Variants in EDEM3 observed in about 807,000 individuals in gnomAD.
EDEM3 encodes ER degradation-enhancing alpha-mannosidase-like protein 3.
In EDEM3, 60 loss-of-function variants were observed where a neutral mutation model predicts 110.2. The ratio of observed to expected loss-of-function variants is 0.54; its 90% confidence interval spans 0.44 to 0.67. The LOEUF (loss-of-function observed/expected upper bound fraction) is 0.67. Among genes scored for constraint, EDEM3 ranks in the 30% least tolerant of loss-of-function variants. The pLI is 0.00. For synonymous variants in EDEM3, 352 were observed against 382.9 expected (o/e 0.92, Z 0.94); for missense variants, 996 against 1,121.0 (o/e 0.89, Z 1.59).
In EDEM3 at chr1:184,754,556, C is replaced by T; in HGVS notation, c.91G>A (p.Val31Met). 7.4e-6 allele frequency: 12 copies of T among 1,612,472 alleles called. No individual in the cohort carries two copies. Among genetic ancestry groups the T allele is most frequent in the Non-Finnish European group, 9.3e-6 (11 of 1,179,744 alleles). Residue 31 changes from valine (V) to methionine (M), a missense_variant, in exon 1 of 20, where the codon GTG becomes ATG. Around this residue, in one of 5 missense-constraint regions of EDEM3, gnomAD observed 200 missense variants for 183.8 expected, o/e 1.09. Coordinates refer to ENST00000318130, the MANE Select transcript of EDEM3 (RefSeq NM_025191.4). ...GCCGTCCACACGGAGGTGGCCGACA[C>T]CAGGCAGAACGCGGCCGTCGCCGCC... is the stretch of plus-strand genomic sequence containing the variant. ...LVAATAAFCLVSATSVWTAGA... is the reference protein window; with the variant it reads ...LVAATAAFCLMSATSVWTAGA...
intron 19 of EDEM3, chr1:184,701,444 C>T (rs1649614025): frequency 8.2e-6 from 9 of 1,091,044 alleles, no homozygotes; most frequent in Non-Finnish European, 1.1e-5. Flanking sequence ...GTACACACAC[C>T]CAAATACATA....
chr1:184,745,811 T>G (rs1652401257), intron 2 of EDEM3, among the ~76,000 whole-genome samples: 1 of 152,188 alleles, frequency 6.6e-6, no homozygotes, highest in Admixed American at 6.5e-5. Flanking sequence ...TTTAGGGCTC[T>G]TACCAGAATA....
In EDEM3 at chr1:184,702,946, C is replaced by A. The variant is rs1252435624; in HGVS notation, c.2254G>T (p.Gly752Cys). ...ATGTCATCTGTATCCTTTCCATCAC[C>A]TGCCATCTGGAACAGAGGGGCAGTA... ...SDTAPLFQMA[G>C]DGKDTDDIKI... The change falls in exon 19 of 20, where the codon GGT becomes TGT. Residue 752 changes from glycine to cysteine, a missense_variant. By Grantham distance (159) the Gly-to-Cys change is radical (BLOSUM62 -3). Coordinates refer to ENST00000318130, the MANE Select transcript of EDEM3 (RefSeq NM_025191.4). The A allele has an allele frequency of 6.2e-7, 1 of 1,612,998 alleles. No homozygotes were observed. The highest frequency in any genetic ancestry group is 1.3e-5 in the African/African-American group (1 of 74,834).
Position 184,726,383 on chromosome 1 carries a change from A to T in EDEM3, c.619T>A (p.Leu207Ile). ...TCTGGTTTTCTGATGCCAAACTTTA[A>T]ATTAATCTGAATACAATTAGAAAAT... ...TSGLPYPRIN[L>I]KFGIRKPEAR... The change falls in exon 7 of 20, where the codon TTA becomes ATA. Residue 207 changes from leucine (L) to isoleucine (I), a missense_variant. Physicochemically the swap from Leu to Ile is conservative, Grantham distance 5. Coordinates refer to ENST00000318130, the MANE Select transcript of EDEM3 (RefSeq NM_025191.4). 1 of 1,612,856 alleles carries T rather than the reference A, an allele frequency of 6.2e-7. No homozygotes were observed. Among genetic ancestry groups the T allele is most frequent in the Non-Finnish European group, 8.5e-7 (1 of 1,179,302 alleles).
At chr1:184,737,816 G>T in intron 2 of EDEM3, 105 bp from the exon 3 acceptor site, 1 of 956,078 alleles carries the variant, frequency 1.0e-6, no homozygotes. Context: ...ATAGTCAAAA[G>T]TTGTACTAAA....
chr1:184,749,556 A>G lies in EDEM3; in HGVS notation c.195T>C (p.Gly65=). 4 of 1,575,022 alleles carry G rather than the reference A, an allele frequency of 2.5e-6. No homozygotes were observed. Among genetic ancestry groups the G allele is most frequent in the Middle Eastern group, 1.8e-4 (1 of 5,586 alleles). The change falls in exon 2 of 20, where the codon GGT becomes GGC. Residue 65 remains glycine (G), a synonymous_variant. Transcript: ENST00000318130. The stretch of plus-strand genomic sequence containing the variant: ...TAAGCTTCCTACTTACCATATAGTT[A>G]CCATAAGCATGATCAAACATTTCCA... ...QVLEMFDHAY[G]NYMEHAYPAD... is the part of the protein sequence containing the mutation.
chr1:184,714,228 T>C (rs544011520), intron 13 of EDEM3, among the ~76,000 whole-genome samples: 60 of 152,154 alleles, frequency 3.9e-4, no homozygotes, highest in Non-Finnish European at 7.4e-4. Flanking sequence ...ACAATATGAA[T>C]TGGGCAAAGC....
chr1:184,729,108 G>C (rs552135455), intron 6 of EDEM3, among the ~76,000 whole-genome samples: 84 of 152,190 alleles, frequency 5.5e-4, no homozygotes, highest in African/African-American at 2.0e-3. Flanking sequence ...ACTGGTAGCA[G>C]TATATATTAC....
intron 19 of EDEM3, among the ~76,000 whole-genome samples, chr1:184,697,843 G>A (rs914714455): frequency 6.6e-6 from 1 of 151,656 alleles, no homozygotes; most frequent in Non-Finnish European, 1.5e-5. Flanking sequence ...AAAATGTTAT[G>A]AAAGTTACAT....
At chr1:184,721,452 T>C (rs1023551041) in intron 8 of EDEM3, 66 bp from the exon 9 acceptor site, 9 of 1,161,802 alleles carry the variant, frequency 7.7e-6, no homozygotes, top group South Asian at 1.5e-5. Context: ...TTTAAAAAAA[T>C]AGCACTCCTT....
At chr1:184,736,403 A>C (rs1266383424) in intron 4 of EDEM3, among the ~76,000 whole-genome samples, 2 of 152,142 alleles carry the variant, frequency 1.3e-5, no homozygotes, top group Non-Finnish European at 2.9e-5. Flanking sequence ...ATTATGCCTT[A>C]AGGAAAATTC....
At position 184,717,565 on chromosome 1, in the gene EDEM3, G is replaced by A. The variant is rs759180112; in HGVS notation, c.1220C>T (p.Ala407Val). ...TTTATATAAGAAGTAGGTACTTTCT[G>A]CAAATTCTGGCCTTAAAGGATGTTG... ...WAQHPLRPEF[A>V]ESTYFLYKAT... The change falls in exon 12 of 20, where the codon GCA (alanine) becomes GTA (valine). Residue 407 changes from alanine (A) to valine (V), a missense_variant. Around this residue, in one of 5 missense-constraint regions of EDEM3, gnomAD observed 310 missense variants for 394.6 expected, o/e 0.79. Transcript: ENST00000318130. The A allele has an allele frequency of 1.2e-6, 2 of 1,607,472 alleles. No individual in the cohort carries two copies. The highest frequency in any genetic ancestry group is 1.1e-5 in the South Asian group (1 of 90,098).
At chr1:184,720,726 T>C (rs1650855999) in intron 9 of EDEM3, 1 of 153,198 alleles carries the variant, frequency 6.5e-6, no homozygotes, top group Admixed American at 6.5e-5. Context: ...TATAGTGATA[T>C]AACTGATGAG....
intron 1 of EDEM3, 96 bp from the exon 2 acceptor site, chr1:184,749,688 A>C: frequency 3.8e-6 from 4 of 1,051,438 alleles, no homozygotes; most frequent in Non-Finnish European, 5.4e-6. Flanking sequence ...CTCATAAAAA[A>C]TATACCAATA....
rs749356122 is a variant in EDEM3, at chr1:184,694,272, T to C, written c.2590A>G (p.Thr864Ala). The C allele has an allele frequency of 6.2e-7, 1 of 1,613,344 alleles. No individual in the cohort carries two copies. The highest frequency in any genetic ancestry group is 1.7e-5 in the Admixed American group (1 of 59,868). ...TCATGGTTTTCTGTGGGATTAGAAGTCTGTTCAGAAGGGGAAATGCTTGCA... is the reference window on the plus strand; with the variant it reads ...TCATGGTTTTCTGTGGGATTAGAAGCCTGTTCAGAAGGGGAAATGCTTGCA... ...NAASISPSEQ[T>A]SNPTENHETT... is the part of the protein sequence containing the mutation. The change falls in exon 20 of 20, where the codon ACT becomes GCT. Residue 864 changes from threonine (T) to alanine (A), a missense_variant. By Grantham distance (58) the Thr-to-Ala change is moderately conservative. Coordinates refer to ENST00000318130, the MANE Select transcript of EDEM3 (RefSeq NM_025191.4).
chr1:184,728,101 C>T (rs1651287215), intron 6 of EDEM3, among the ~76,000 whole-genome samples: 1 of 152,168 alleles, frequency 6.6e-6, no homozygotes, highest in African/African-American at 2.4e-5. Flanking sequence ...TTATTGCTTA[C>T]TTACCTACCA....
In EDEM3 at chr1:184,737,880, C is replaced by T. The variant is rs543035144; in HGVS notation, c.205-169G>A. The T allele has an allele frequency of 4.8e-6, 3 of 618,660 alleles. No individual in the cohort carries two copies. The East Asian group carries it at 8.9e-5, about 18-fold the overall frequency. The allele number at this position is 618,660 out of a possible 1,614,324, so 38.3% of individuals were successfully genotyped here. On this transcript the variant is annotated intron_variant, in intron 2 of 19. Transcript: ENST00000318130. The stretch of plus-strand genomic sequence containing the variant: ...TCTTTAATTACAAATGTAATACATG[C>T]TTGGAAAAAAGTCAAACAATACCAA...
At chr1:184,720,382 C>A (rs772588460) in intron 9 of EDEM3, 1 of 151,974 alleles carries the variant, frequency 6.6e-6, no homozygotes, top group Admixed American at 6.6e-5. Context: ...TCCCAATAAC[C>A]CTATAAATAG....
intron 2 of EDEM3, among the ~76,000 whole-genome samples, chr1:184,741,101 AAATAAT>A (rs1023606197): frequency 1.1e-4 from 16 of 152,138 alleles, no homozygotes; most frequent in African/African-American, 3.1e-4. Context: ...TTTGTTTAAA[AAATAAT>A]AATAATAAGG....
Sources: gnomAD v4.1 joint callset for allele counts (sites outside exome capture counted in the v4.1 genomes callset) on GRCh38, gnomAD v4.1.1 for gene constraint, gnomAD v4.1.1 regional missense constraint, MANE v1.5 for transcripts, NCBI Gene and HGNC (gene_info 2026-07-23, HGNC 2026-07-21) for gene names.